ARID4B: variants seen among roughly 807,000 people sequenced by gnomAD.
ARID4B encodes AT-rich interaction domain 4B.
In ARID4B, 26 loss-of-function variants were observed where a neutral mutation model predicts 147.5. The observed-to-expected ratio is 0.18, with a 90% CI of 0.13 to 0.24. ARID4B has a LOEUF of 0.24. Ranked by LOEUF, ARID4B falls within the 10% of genes least tolerant of loss-of-function variation. The pLI is 1.00. For synonymous variants in ARID4B, 512 were observed against 507.9 expected (o/e 1.01, Z -0.11); for missense variants, 1,179 against 1,511.5 (o/e 0.78, Z 3.65).
At chr1:235,307,024 C>T (rs1402621219) in intron 2 of ARID4B, among the ~76,000 whole-genome samples, 2 of 152,072 alleles carry the variant, frequency 1.3e-5, no homozygotes, top group Non-Finnish European at 2.9e-5. Context: ...TCCATCAATG[C>T]AGAAAAACTA....
At chr1:235,229,097 C>G in intron 11 of ARID4B, 134 bp downstream of exon 11, 2 of 1,076,502 alleles carry the variant, frequency 1.9e-6, no homozygotes, top group Non-Finnish European at 2.6e-6. Context: ...ATGAGGATCT[C>G]AAATACAAGA....
At chr1:235,187,008 T>C (rs906447695) in intron 19 of ARID4B, 5 of 356,824 alleles carry the variant, frequency 1.4e-5, no homozygotes, top group East Asian at 8.9e-5. Context: ...TAGATTTTTA[T>C]CTCCAAGTCT....
At chr1:235,208,046 C>T (rs1332481402) in intron 17 of ARID4B, among the ~76,000 whole-genome samples, 1 of 152,118 alleles carries the variant, frequency 6.6e-6, no homozygotes, top group Non-Finnish European at 1.5e-5. Flanking sequence ...CTTCAACATA[C>T]AAAAAATTAT....
At position 235,315,857 on chromosome 1, in the gene ARID4B, T is replaced by C. The variant is rs371631717; in HGVS notation, c.6+11057A>G. Among the ~76,000 whole-genome samples, 8 of 152,286 alleles carry C rather than the reference T, an allele frequency of 5.3e-5. No homozygotes were observed. The East Asian group carries it at 1.5e-3, about 29-fold the overall frequency. ...AATATGCAAAAGGTAAGAGTAAGCA[T>C]ATACTAACATTTGTAATAAATAGTT... On this transcript the variant is annotated intron_variant, in intron 2 of 23. Transcript: ENST00000264183.
chr1:235,236,833 A>AATACATATATATATATATATAT (rs1553299957), intron 8 of ARID4B, among the ~76,000 whole-genome samples: 4 of 33,522 alleles, frequency 1.2e-4, no homozygotes, highest in African/African-American at 6.0e-4. Flanking sequence ...TTTTATAAAA[A>AATACATATATATATATATATAT]ATATATATAT....
At chr1:235,241,843 T>C (rs776000520) in intron 7 of ARID4B, among the ~76,000 whole-genome samples, 5 of 152,090 alleles carry the variant, frequency 3.3e-5, no homozygotes, top group Admixed American at 1.3e-4. Context: ...TATAATAATA[T>C]TAAGCTTTTT....
intron 23 of ARID4B, among the ~76,000 whole-genome samples, chr1:235,171,527 A>C (rs1663361898): frequency 6.6e-6 from 1 of 152,200 alleles, no homozygotes; most frequent in Non-Finnish European, 1.5e-5. Flanking sequence ...GTATTTAGGA[A>C]CCGACTTTTA....
intron 2 of ARID4B, among the ~76,000 whole-genome samples, chr1:235,302,168 A>C (rs1257679945): frequency 1.4e-5 from 2 of 146,642 alleles, no homozygotes; most frequent in African/African-American, 5.0e-5. Flanking sequence ...AAAAAAAAAA[A>C]AAAAAAAAAC....
At chr1:235,266,238 T>C (rs1476587617) in intron 2 of ARID4B, among the ~76,000 whole-genome samples, 2 of 152,082 alleles carry the variant, frequency 1.3e-5, no homozygotes, top group Non-Finnish European at 1.5e-5. Flanking sequence ...TTTAGAGACA[T>C]AAAAAAGATT....
chr1:235,298,023 T>C (rs972193348), intron 2 of ARID4B, among the ~76,000 whole-genome samples: 1 of 152,206 alleles, frequency 6.6e-6, no homozygotes, highest in African/African-American at 2.4e-5. Context: ...TTAATGTTAA[T>C]GTTATTCATT....
intron 6 of ARID4B, among the ~76,000 whole-genome samples, chr1:235,251,513 T>G (rs1019486202): frequency 3.9e-5 from 6 of 152,052 alleles, no homozygotes; most frequent in Admixed American, 3.9e-4. Context: ...AAGTGGGAAT[T>G]CAATCATTAA....
At chr1:235,193,712 C>A (rs1665284184) in intron 19 of ARID4B, among the ~76,000 whole-genome samples, 1 of 152,164 alleles carries the variant, frequency 6.6e-6, no homozygotes, top group Non-Finnish European at 1.5e-5. Flanking sequence ...ACTCCAAAAT[C>A]ATACACTTTT....
intron 2 of ARID4B, among the ~76,000 whole-genome samples, chr1:235,313,837 T>C (rs1028576397): frequency 1.3e-5 from 2 of 152,188 alleles, no homozygotes; most frequent in South Asian, 2.1e-4. Context: ...GAAATCTGGT[T>C]ATCACCTTCT....
intron 6 of ARID4B, among the ~76,000 whole-genome samples, chr1:235,251,995 T>C (rs990947863): frequency 1.3e-5 from 2 of 152,180 alleles, no homozygotes; most frequent in Non-Finnish European, 2.9e-5. Context: ...TTGGGGATAA[T>C]AATAGTAACT....
intron 19 of ARID4B, chr1:235,190,034 A>G (rs766961726): frequency 1.9e-5 from 3 of 154,384 alleles, no homozygotes; most frequent in African/African-American, 4.8e-5. Context: ...GGATGAAAAT[A>G]TATCTACACA....
intron 17 of ARID4B, among the ~76,000 whole-genome samples, chr1:235,210,807 T>C (rs1666667876): frequency 6.6e-6 from 1 of 152,194 alleles, no homozygotes; most frequent in South Asian, 2.1e-4. Context: ...CCTATATTAT[T>C]AAAAACTTGA....
chr1:235,249,603 G>A (rs1669514223), intron 6 of ARID4B, among the ~76,000 whole-genome samples: 1 of 151,886 alleles, frequency 6.6e-6, no homozygotes, highest in Non-Finnish European at 1.5e-5. Context: ...AGACCACCCT[G>A]GCTAACAGAG....
At chr1:235,223,353 TTATATATATATACACGTA>T (rs1242828850) in intron 12 of ARID4B, 93 bp from the exon 13 acceptor site, 18 of 256,858 alleles carry the variant, frequency 7.0e-5, no homozygotes, top group African/African-American at 1.5e-4. Flanking sequence ...TTATAGTATT[TTATATATATATACACGTA>T]TATATATATA....
chr1:235,287,049 C>G (rs767645965), intron 2 of ARID4B, among the ~76,000 whole-genome samples: 26 of 152,142 alleles, frequency 1.7e-4, no homozygotes, highest in Non-Finnish European at 3.2e-4. Flanking sequence ...CATTTGAGGT[C>G]AGGAGTTAGA....
Sources: allele counts gnomAD v4.1 joint callset (sites outside exome capture counted in the v4.1 genomes callset), GRCh38; gene constraint gnomAD v4.1.1; transcripts MANE v1.5; gene names NCBI Gene and HGNC (gene_info 2026-07-23, HGNC 2026-07-21).